Variants in A4GALT observed in about 807,000 individuals in gnomAD.
A4GALT encodes the protein lactosylceramide 4-alpha-galactosyltransferase.
For synonymous variants in A4GALT, 257 were observed against 220.7 expected (o/e 1.16, Z -1.46); for missense variants, 512 against 486.0 (o/e 1.05, Z -0.50).
chr22:42,693,408 G>A lies in A4GALT; in HGVS notation c.544C>T (p.Leu182Phe), dbSNP rs775462635. ...PVLSDASRIA[L>F]MWKFGGIYLD... Reference sequence around the variant, plus strand: ...TAGATGCCGCCGAACTTCCACATGAGTGCGATCCTGGAGGCGTCGGAGAGC... The same window carrying A: ...TAGATGCCGCCGAACTTCCACATGAATGCGATCCTGGAGGCGTCGGAGAGC... The change falls in exon 3 of 3, where the codon CTC becomes TTC. Residue 182 changes from leucine (L) to phenylalanine (F), a missense_variant. Transcript: ENST00000642412. The A allele has an allele frequency of 6.2e-7, 1 of 1,613,388 alleles. No homozygotes were observed. The highest frequency in any genetic ancestry group is 8.5e-7 in the Non-Finnish European group (1 of 1,180,006).
At chr22:42,703,106 C>CTGTGTGTGTGTGTG (rs3985930) in intron 1 of A4GALT, among the ~76,000 whole-genome samples, 1,793 of 134,036 alleles carry the variant, frequency 0.013, 29 homozygotes, top group African/African-American at 0.017. Flanking sequence ...TGCTGCCCCA[C>CTGTGTGTGTGTGTG]TGTGTGTGTG....
chr22:42,713,017 C>G (rs1469930750), intron 1 of A4GALT, among the ~76,000 whole-genome samples: 3 of 152,220 alleles, frequency 2.0e-5, no homozygotes, highest in Non-Finnish European at 4.4e-5. Context: ...CTGGATACTG[C>G]CTGAGAAGGG....
intron 1 of A4GALT, among the ~76,000 whole-genome samples, chr22:42,707,350 C>G (rs1359967877): frequency 6.6e-6 from 1 of 151,980 alleles, no homozygotes; most frequent in Non-Finnish European, 1.5e-5. Context: ...GGATTCCTAG[C>G]AAATAAAAAT....
intron 1 of A4GALT, among the ~76,000 whole-genome samples, chr22:42,709,618 C>T (rs1035829492): frequency 6.6e-6 from 1 of 151,824 alleles, no homozygotes; most frequent in African/African-American, 2.4e-5. Flanking sequence ...GGCAAAAACC[C>T]ATCTCTACTA....
At chr22:42,704,663 G>A (rs1459289789) in intron 1 of A4GALT, among the ~76,000 whole-genome samples, 5 of 152,140 alleles carry the variant, frequency 3.3e-5, no homozygotes, top group African/African-American at 1.2e-4. Flanking sequence ...CTGGGTGGAC[G>A]TTACAAACAG....
At chr22:42,720,444 C>T (rs1922620091) in intron 1 of A4GALT, among the ~76,000 whole-genome samples, 1 of 152,128 alleles carries the variant, frequency 6.6e-6, no homozygotes. Context: ...GCAGAGCCTG[C>T]CTCGAACCCG....
rs1180529043 is a variant in A4GALT, at chr22:42,709,067, A to ATATATATATATATTTTTT, written c.-188+11729_-188+11730insAAAAAATATATATATATA. Among the ~76,000 whole-genome samples the ATATATATATATATTTTTT allele has an allele frequency of 5.7e-3, 738 of 128,648 alleles. 6 individuals are homozygous for ATATATATATATATTTTTT. The highest frequency in any genetic ancestry group is 0.013 in the South Asian group (51 of 3,848). The allele number at this position is 128,648 out of a possible 152,430, so 84.4% of individuals were successfully genotyped here. ...AATTTAAATATATATATATATATAT[A>ATATATATATATATTTTTT]TTTTTTTTAAGACAGGGTCTGCTGT... On this transcript the variant is annotated intron_variant, in intron 1 of 2. Transcript: ENST00000642412.
chr22:42,694,482 C>A (rs1469804228), intron 2 of A4GALT: 1 of 166,042 alleles, frequency 6.0e-6, no homozygotes, highest in Non-Finnish European at 1.3e-5. Context: ...AGCATGAGGT[C>A]TGGGGCTCCG....
At chr22:42,716,247 G>A (rs1200063572) in intron 1 of A4GALT, among the ~76,000 whole-genome samples, 1 of 152,206 alleles carries the variant, frequency 6.6e-6, no homozygotes, top group Non-Finnish European at 1.5e-5. Context: ...ATAGGAGGGC[G>A]AGTGGGGTGC....
chr22:42,693,310 G>T lies in A4GALT; in HGVS notation c.642C>A (p.Tyr214Ter). 6.2e-7 allele frequency: 1 copy of T among 1,613,094 alleles called. No homozygotes were observed. Among genetic ancestry groups the T allele is most frequent in the Non-Finnish European group, 8.5e-7 (1 of 1,179,986 alleles). The part of the protein sequence containing the change: ...LTNVLGTQSR[Y>*]VLNGAFLAFE... ...AGGCCAGGAACGCGCCGTTGAGGAC[G>T]TAGCGGGACTGGGTGCCCAGCACGT... The change falls in exon 3 of 3, where the codon TAC (tyrosine) becomes TAA (stop). Residue 214 changes from tyrosine (Y) to a stop codon, truncating the protein, a stop_gained. Transcript: ENST00000642412. LOFTEE classifies it low-confidence loss of function (END_TRUNC).
chr22:42,716,325 C>G (rs762007612), intron 1 of A4GALT, among the ~76,000 whole-genome samples: 1 of 152,148 alleles, frequency 6.6e-6, no homozygotes, highest in African/African-American at 2.4e-5. Flanking sequence ...GTTTGCACTG[C>G]TGACGGGGTG....
At chr22:42,714,279 A>AAAAAT (rs1921965293) in intron 1 of A4GALT, among the ~76,000 whole-genome samples, 1 of 133,952 alleles carries the variant, frequency 7.5e-6, no homozygotes, top group Non-Finnish European at 1.6e-5. Flanking sequence ...TGTCTCAAAA[A>AAAAAT]AAAAAAAAAA....
rs147133867 is a variant in A4GALT at position 42,693,305 on chromosome 22, A to C, written c.647T>G (p.Leu216Arg). The change falls in exon 3 of 3, where the codon CTC becomes CGC. Residue 216 changes from leucine (L) to arginine (R), a missense_variant. Physicochemically the swap from Leu to Arg is moderately radical, Grantham distance 102 (BLOSUM62 -2). Coordinates refer to ENST00000642412, the MANE Select transcript of A4GALT (RefSeq NM_017436.7). ...NVLGTQSRYV[L>R]NGAFLAFERR... is the part of the protein sequence containing the mutation. ...CTCGAAGGCCAGGAACGCGCCGTTG[A>C]GGACGTAGCGGGACTGGGTGCCCAG... 6.2e-7 allele frequency: 1 copy of C among 1,612,992 alleles called. No individual in the cohort carries two copies. Among genetic ancestry groups the C allele is most frequent in the African/African-American group, 1.3e-5 (1 of 74,942 alleles).
rs948368944 is a variant in A4GALT, at chr22:42,692,387, C to G, written c.*503G>C. The stretch of plus-strand genomic sequence containing the variant: ...CCACTCAGTCCCTGTTGACCTCCCC[C>G]ACCCCCCGCGAAAGAGGAACCAAAA... On this transcript the variant is annotated 3_prime_UTR_variant, in exon 3 of 3. Transcript: ENST00000642412. This position sits in a 1 kb window ranked among gnomAD's most constrained non-coding sequence, Gnocchi z 4.6. 1 of 329,718 alleles carries G rather than the reference C, an allele frequency of 3.0e-6. No individual in the cohort carries two copies. The highest frequency in any genetic ancestry group is 6.0e-6 in the Non-Finnish European group (1 of 167,050). 20.4% of individuals were successfully genotyped at this position (329,718 alleles called of 1,614,324 possible).
chr22:42,711,892 G>C (rs1921729490), intron 1 of A4GALT, among the ~76,000 whole-genome samples: 1 of 152,150 alleles, frequency 6.6e-6, no homozygotes, highest in Admixed American at 6.5e-5. Context: ...CAAAGTGCTA[G>C]GATCACAGGC....
chr22:42,697,682 C>T (rs1931032406), intron 1 of A4GALT, among the ~76,000 whole-genome samples: 1 of 152,184 alleles, frequency 6.6e-6, no homozygotes, highest in Non-Finnish European at 1.5e-5. Flanking sequence ...TTGGCCGCAG[C>T]CCAATATCCA....
intron 1 of A4GALT, among the ~76,000 whole-genome samples, chr22:42,712,432 C>G (rs1921777611): frequency 6.6e-6 from 1 of 152,228 alleles, no homozygotes. Context: ...GCAGAGATCC[C>G]AGAGATGCAA....
chr22:42,716,552 A>G (rs1448242523), intron 1 of A4GALT, among the ~76,000 whole-genome samples: 2 of 152,312 alleles, frequency 1.3e-5, no homozygotes, highest in African/African-American at 2.4e-5. Context: ...AGAGGAAACC[A>G]AGGCCTGCTG....
chr22:42,715,619 TGGGA>T (rs1484188033), intron 1 of A4GALT, among the ~76,000 whole-genome samples: 1 of 151,862 alleles, frequency 6.6e-6, no homozygotes, highest in Non-Finnish European at 1.5e-5. Flanking sequence ...GAGGCTGAGG[TGGGA>T]GGATCGCTTG....
Sources: allele counts gnomAD v4.1 joint callset (sites outside exome capture counted in the v4.1 genomes callset), GRCh38; gene constraint gnomAD v4.1.1; non-coding constraint Gnocchi (gnomAD v3.1); transcripts MANE v1.5; gene names NCBI Gene and HGNC (gene_info 2026-07-23, HGNC 2026-07-21).